Variants in GMDS observed in about 807,000 individuals in gnomAD.
GMDS encodes GDP-mannose 4,6-dehydratase, also known as GDP-mannose 4,6 dehydratase.
In GMDS, 20 loss-of-function variants were observed where a neutral mutation model predicts 49.9. That is an observed-to-expected ratio of 0.40 (90% CI 0.28 to 0.58). The LOEUF is 0.58. GMDS is among the 20% of genes least tolerant of loss of function. GMDS has a pLI of 0.42. For missense variants in GMDS, 362 were observed against 481.4 expected, an observed-to-expected ratio of 0.75 and a Z score of 2.32; for synonymous variants, 177 against 178.6, an observed-to-expected ratio of 0.99 and a Z score of 0.07.
chr6:2,051,092 G>C (rs930635399), intron 4 of GMDS, among the ~76,000 whole-genome samples: 1 of 152,086 alleles, frequency 6.6e-6, no homozygotes, highest in African/African-American at 2.4e-5. Flanking sequence ...ATGTACCCTA[G>C]AACTTAAAAT....
At chr6:2,216,286 T>C (rs1403914388) in intron 1 of GMDS, among the ~76,000 whole-genome samples, 1 of 152,264 alleles carries the variant, frequency 6.6e-6, no homozygotes, top group African/African-American at 2.4e-5. Flanking sequence ...CAGAAATATG[T>C]ACATAATGTG....
At chr6:1,786,132 A>G (rs1769309838) in intron 7 of GMDS, among the ~76,000 whole-genome samples, 1 of 152,274 alleles carries the variant, frequency 6.6e-6, no homozygotes, top group Non-Finnish European at 1.5e-5. Flanking sequence ...AAGTCTTTCT[A>G]GTGAAGCTCA....
At chr6:1,725,936 T>C (rs1024278941) in intron 9 of GMDS, among the ~76,000 whole-genome samples, 2 of 152,174 alleles carry the variant, frequency 1.3e-5, no homozygotes, top group Non-Finnish European at 2.9e-5. Context: ...ATGGACAGGG[T>C]GGTCCCTGAC....
chr6:1,957,967 T>C (rs1399193802), intron 6 of GMDS, among the ~76,000 whole-genome samples: 3 of 151,956 alleles, frequency 2.0e-5, no homozygotes, highest in African/African-American at 7.3e-5. Flanking sequence ...CACACCTGGC[T>C]GATTCGTTTT....
chr6:1,954,564 C>A (rs1364779987), intron 6 of GMDS, among the ~76,000 whole-genome samples: 2 of 152,240 alleles, frequency 1.3e-5, no homozygotes, highest in African/African-American at 2.4e-5. Flanking sequence ...GTATTATAAA[C>A]CCTTCTTTTG....
intron 4 of GMDS, 54 bp downstream of exon 4, chr6:2,115,717 A>G: frequency 1.1e-6 from 1 of 918,106 alleles, no homozygotes; most frequent in Non-Finnish European, 1.8e-6. Flanking sequence ...GACACAAGTA[A>G]AATACAGAAC....
intron 2 of GMDS, among the ~76,000 whole-genome samples, chr6:2,120,676 T>C (rs1215701146): frequency 1.3e-5 from 2 of 151,872 alleles, no homozygotes; most frequent in African/African-American, 4.9e-5. Flanking sequence ...GCAAAATGGG[T>C]ACAAAAGTGT....
At chr6:1,691,927 T>C (rs1765187716) in intron 9 of GMDS, among the ~76,000 whole-genome samples, 1 of 152,110 alleles carries the variant, frequency 6.6e-6, no homozygotes, top group Non-Finnish European at 1.5e-5. Flanking sequence ...GGATGCAAAG[T>C]ATTGTTCCTG....
chr6:1,781,373 G>C (rs1037652571), intron 7 of GMDS, among the ~76,000 whole-genome samples: 3 of 152,188 alleles, frequency 2.0e-5, no homozygotes, highest in African/African-American at 7.2e-5. Context: ...CTGGGCTCTC[G>C]CTGCTTACTC....
chr6:1,763,188 C>T (rs202100285), intron 7 of GMDS, among the ~76,000 whole-genome samples: 3 of 152,196 alleles, frequency 2.0e-5, no homozygotes, highest in African/African-American at 7.2e-5. Flanking sequence ...ATGTGGGCCA[C>T]GGGCCATCCA....
At chr6:1,672,120 A>G (rs1427737343) in intron 9 of GMDS, among the ~76,000 whole-genome samples, 11 of 152,216 alleles carry the variant, frequency 7.2e-5, no homozygotes. Context: ...TGGATTAGAC[A>G]ATGCCCAGTA....
chr6:1,945,314 G>C (rs952065815), intron 6 of GMDS, among the ~76,000 whole-genome samples: 2 of 151,954 alleles, frequency 1.3e-5, no homozygotes, highest in Non-Finnish European at 1.5e-5. Flanking sequence ...GCATGCAGGA[G>C]GCAATAGCGT....
intron 7 of GMDS, among the ~76,000 whole-genome samples, chr6:1,754,851 A>G (rs989873621): frequency 6.6e-6 from 1 of 152,214 alleles, no homozygotes; most frequent in African/African-American, 2.4e-5. Context: ...AAAACTCTCA[A>G]TAAACTAGGT....
chr6:2,057,441 A>C (rs939882536), intron 4 of GMDS, among the ~76,000 whole-genome samples: 2 of 152,152 alleles, frequency 1.3e-5, no homozygotes, highest in African/African-American at 4.8e-5. Context: ...TAATTTCCCC[A>C]ACTTCTTCTT....
rs766261962 is a variant in GMDS, at chr6:1,624,276, CT to C, written c.1057-46del. The C allele has an allele frequency of 2.0e-5, 31 of 1,563,812 alleles. No individual in the cohort carries two copies. The Admixed American group carries it at 5.0e-4, about 25-fold the overall frequency. ...GTGAGGGAGGAGCTTCTGCCACTCT[CT>C]CCTGGTGACACCCCACCCCGGGTGT... On this transcript the variant is annotated intron_variant, in intron 10 of 10. Transcript: ENST00000380815.
intron 9 of GMDS, among the ~76,000 whole-genome samples, chr6:1,650,932 A>T (rs1345994659): frequency 1.3e-5 from 2 of 152,224 alleles, no homozygotes; most frequent in African/African-American, 4.8e-5. Flanking sequence ...TAAAGAATAA[A>T]ACAGTCTTGT....
intron 7 of GMDS, among the ~76,000 whole-genome samples, chr6:1,812,731 T>C (rs977025270): frequency 6.6e-6 from 1 of 152,136 alleles, no homozygotes; most frequent in Non-Finnish European, 1.5e-5. Context: ...GTTTGAGATT[T>C]GTTAGTGTAA....
intron 4 of GMDS, among the ~76,000 whole-genome samples, chr6:2,050,149 A>T (rs1019294961): frequency 6.6e-5 from 10 of 152,200 alleles, no homozygotes; most frequent in African/African-American, 1.9e-4. Flanking sequence ...AAAGAAGAAA[A>T]GAGAGAAGAA....
chr6:1,960,100 C>T, intron 5 of GMDS, 129 bp from the exon 6 acceptor site: 2 of 530,502 alleles, frequency 3.8e-6, no homozygotes, highest in Non-Finnish European at 6.8e-6. Flanking sequence ...AGTATCAAAA[C>T]CCAAAGACGA....
Sources: allele counts gnomAD v4.1 joint callset (sites outside exome capture counted in the v4.1 genomes callset), GRCh38; gene constraint gnomAD v4.1.1; transcripts MANE v1.5; gene names NCBI Gene and HGNC (gene_info 2026-07-23, HGNC 2026-07-21).